The following TEC variants were observed in gnomAD, a reference collection of about 807,000 sequenced individuals.
TEC encodes the protein tec protein tyrosine kinase.
TEC carries 72 observed loss-of-function variants against 93.0 expected under a neutral mutation model. The observed-to-expected ratio is 0.77, with a 90% CI of 0.64 to 0.94. The LOEUF (loss-of-function observed/expected upper bound fraction) is 0.94. Ranked by LOEUF, TEC falls within the 40% of genes least tolerant of loss-of-function variation. The probability of loss-of-function intolerance (pLI) is 0.00; values close to 1 mark genes in which losing one functional copy is unlikely to be tolerated. For synonymous variants in TEC, 249 were observed against 247.7 expected, an observed-to-expected ratio of 1.01 and a Z score of -0.05; for missense variants, 630 against 757.9, an observed-to-expected ratio of 0.83 and a Z score of 1.98.
At chr4:48,170,067 G>A (rs907954232) in intron 5 of TEC, among the ~76,000 whole-genome samples, 181 bp downstream of exon 5, 5 of 152,176 alleles carry the variant, frequency 3.3e-5, no homozygotes, top group Admixed American at 6.5e-5. Flanking sequence ...TAGACCTTCT[G>A]ATTCCACGAG....
At chr4:48,142,970 C>T (rs1291056082) in intron 14 of TEC, among the ~76,000 whole-genome samples, 1 of 152,180 alleles carries the variant, frequency 6.6e-6, no homozygotes, top group Non-Finnish European at 1.5e-5. Context: ...GCGTGAGCCA[C>T]CACACCTGGC....
chr4:48,198,778 T>A (rs1722391022), intron 2 of TEC, among the ~76,000 whole-genome samples: 6 of 151,982 alleles, frequency 3.9e-5, no homozygotes, highest in Admixed American at 3.9e-4. Flanking sequence ...CTTCACACAA[T>A]AGAAGTATAT....
At chr4:48,221,582 C>A (rs1357373940) in intron 2 of TEC, among the ~76,000 whole-genome samples, 1 of 152,132 alleles carries the variant, frequency 6.6e-6, no homozygotes, top group African/African-American at 2.4e-5. Context: ...CTAATCCAAC[C>A]ATCCTCTAGC....
At chr4:48,222,846 C>T (rs1190367982) in intron 2 of TEC, among the ~76,000 whole-genome samples, 2 of 152,086 alleles carry the variant, frequency 1.3e-5, no homozygotes, top group Non-Finnish European at 2.9e-5. Flanking sequence ...ACCTCTTGGC[C>T]TCCACAGTTG....
Position 48,168,087 on chromosome 4 carries a change from C to T in TEC, c.496-134G>A, listed in dbSNP as rs927569974. Reference sequence around the variant, plus strand: ...AGTCTACTTACTATAATCCAACAAACTCTCATGAAGAAGAGTATTATAATT... The same window carrying T: ...AGTCTACTTACTATAATCCAACAAATTCTCATGAAGAAGAGTATTATAATT... On this transcript the variant is annotated intron_variant, in intron 6 of 17. Transcript: ENST00000381501. 3.6e-5 allele frequency: 27 copies of T among 748,210 alleles called. No homozygotes were observed. In the African/African-American group the frequency reaches 3.9e-4, roughly 11 times the overall value. 46.3% of individuals were successfully genotyped at this position (748,210 alleles called of 1,614,324 possible).
intron 1 of TEC, among the ~76,000 whole-genome samples, chr4:48,238,057 C>T (rs1044784269): frequency 6.6e-6 from 1 of 152,152 alleles, no homozygotes; most frequent in Non-Finnish European, 1.5e-5. Context: ...CAGCTTAAAG[C>T]CCCAAATTTC....
chr4:48,249,666 C>T (rs1236034866), intron 1 of TEC, among the ~76,000 whole-genome samples: 1 of 152,186 alleles, frequency 6.6e-6, no homozygotes, highest in Non-Finnish European at 1.5e-5. Context: ...CTGATTTAAG[C>T]CCTGCTTCTT....
At chr4:48,180,927 A>G (rs13146265) in intron 2 of TEC, among the ~76,000 whole-genome samples, 99,747 of 151,980 alleles carry the variant, frequency 0.66, 32,778 homozygotes, top group Admixed American at 0.75. Flanking sequence ...ATGAAGTTCT[A>G]AACCAAGTCA....
At chr4:48,221,627 G>A (rs540396720) in intron 2 of TEC, among the ~76,000 whole-genome samples, 8 of 152,238 alleles carry the variant, frequency 5.3e-5, no homozygotes, top group East Asian at 1.9e-4. Context: ...ATCTGGAAGC[G>A]CTATGAACCC....
chr4:48,146,284 T>A, intron 12 of TEC, 41 bp downstream of exon 12: 3 of 1,581,310 alleles, frequency 1.9e-6, no homozygotes, highest in Non-Finnish European at 2.6e-6. Context: ...TGGATTCTTT[T>A]CAAGGAAAAT....
chr4:48,197,811 C>T (rs6837345), intron 2 of TEC, among the ~76,000 whole-genome samples: 13,831 of 152,266 alleles, frequency 0.091, 690 homozygotes, highest in South Asian at 0.16. Flanking sequence ...TCTAGTTCCA[C>T]ACCACACCCA....
chr4:48,179,359 T>C, intron 2 of TEC, among the ~76,000 whole-genome samples: 1 of 42,316 alleles, frequency 2.4e-5, no homozygotes, highest in Middle Eastern at 7.2e-3. Flanking sequence ...TATATATATA[T>C]ATATATATAT....
At chr4:48,246,297 A>T (rs1004558571) in intron 1 of TEC, among the ~76,000 whole-genome samples, 4 of 152,344 alleles carry the variant, frequency 2.6e-5, no homozygotes, top group Admixed American at 6.5e-5. Context: ...AAATGGAAAG[A>T]CATCCCACAT....
intron 2 of TEC, among the ~76,000 whole-genome samples, chr4:48,213,364 G>A (rs1722973823): frequency 6.6e-6 from 1 of 152,118 alleles, no homozygotes; most frequent in African/African-American, 2.4e-5. Flanking sequence ...TTTCTAATAT[G>A]AAAAGTAAAA....
At chr4:48,165,024 AAAAAG>A (rs908417284) in intron 7 of TEC, among the ~76,000 whole-genome samples, 10 of 152,176 alleles carry the variant, frequency 6.6e-5, no homozygotes, top group Non-Finnish European at 1.3e-4. Flanking sequence ...AAAAAGAAAG[AAAAAG>A]AAAAGAAAAG....
At chr4:48,205,511 G>C (rs1284998108) in intron 2 of TEC, among the ~76,000 whole-genome samples, 2 of 152,132 alleles carry the variant, frequency 1.3e-5, no homozygotes, top group Admixed American at 1.3e-4. Context: ...ACTGTCCCCT[G>C]CATTTTAAAA....
At chr4:48,244,707 T>C (rs1370459446) in intron 1 of TEC, among the ~76,000 whole-genome samples, 2 of 152,356 alleles carry the variant, frequency 1.3e-5, no homozygotes, top group South Asian at 4.1e-4. Context: ...ACATTCCACA[T>C]GGAAAACACA....
intron 2 of TEC, among the ~76,000 whole-genome samples, chr4:48,181,527 G>A (rs1051204918): frequency 3.3e-5 from 5 of 151,786 alleles, no homozygotes; most frequent in Non-Finnish European, 5.9e-5. Flanking sequence ...ACAAAAATTA[G>A]CCAGACATGG....
At chr4:48,221,576 T>A (rs1723263125) in intron 2 of TEC, among the ~76,000 whole-genome samples, 1 of 152,218 alleles carries the variant, frequency 6.6e-6, no homozygotes, top group Non-Finnish European at 1.5e-5. Context: ...AACCAACTAA[T>A]CCAACCATCC....
Sources: allele counts gnomAD v4.1 joint callset (sites outside exome capture counted in the v4.1 genomes callset), GRCh38; gene constraint gnomAD v4.1.1; transcripts MANE v1.5; gene names NCBI Gene and HGNC (gene_info 2026-07-23, HGNC 2026-07-21).